CLIC5: variants seen among roughly 807,000 people sequenced by gnomAD.
The protein encoded by CLIC5 is CLIC family member 5.
CLIC5 carries 20 observed loss-of-function variants against 24.7 expected under a neutral mutation model. The ratio of observed to expected loss-of-function variants is 0.81; its 90% CI spans 0.57 to 1.18. CLIC5 has a LOEUF of 1.18. Among genes scored for constraint, CLIC5 ranks in the 50% most tolerant of loss-of-function variants. CLIC5 has a pLI of 0.00. For missense variants in CLIC5, 341 were observed against 326.1 expected, an observed-to-expected ratio of 1.05 and a Z score of -0.35; for synonymous variants, 159 against 135.6, an observed-to-expected ratio of 1.17 and a Z score of -1.20.
chr6:46,104,818 A>AC, the CLIC5 span, among the ~76,000 whole-genome samples: 2 of 152,172 alleles, frequency 1.3e-5, no homozygotes, highest in Admixed American at 1.3e-4. Flanking sequence ...CAAAAATCTG[A>AC]CCTGAAACAA....
intron 3 of CLIC5, among the ~76,000 whole-genome samples, chr6:45,944,042 A>G (rs1764214807): frequency 6.6e-6 from 1 of 152,200 alleles, no homozygotes; most frequent in South Asian, 2.1e-4. Flanking sequence ...CTAAAAGGCT[A>G]AGGAAGAGTG....
intron 2 of CLIC5, among the ~76,000 whole-genome samples, chr6:45,953,674 G>C (rs1384394218): frequency 6.6e-6 from 1 of 152,162 alleles, no homozygotes; most frequent in Non-Finnish European, 1.5e-5. Context: ...AACATCAAAG[G>C]TTTCCTGTGC....
At chr6:46,124,807 C>T in the CLIC5 span, among the ~76,000 whole-genome samples, 1,116 of 152,264 alleles carry the variant, frequency 7.3e-3, 14 homozygotes, top group African/African-American at 0.026. Flanking sequence ...ATTTACGCAG[C>T]CAACAGACAC....
the CLIC5 span, among the ~76,000 whole-genome samples, chr6:46,129,047 C>T: frequency 7.8e-4 from 119 of 152,296 alleles, no homozygotes; most frequent in African/African-American, 2.7e-3. Flanking sequence ...CTATTAAATA[C>T]TTAACACTTG....
chr6:46,114,443 T>A, the CLIC5 span, among the ~76,000 whole-genome samples: 2 of 152,218 alleles, frequency 1.3e-5, no homozygotes, highest in Non-Finnish European at 2.9e-5. Flanking sequence ...TAGGAATTTC[T>A]CTTTTGCCCT....
chr6:46,107,179 C>A, the CLIC5 span, among the ~76,000 whole-genome samples: 1 of 149,862 alleles, frequency 6.7e-6, no homozygotes. Flanking sequence ...TTTTTTTTTG[C>A]CTGGTTCTAT....
At chr6:46,009,269 G>A (rs1269872264) in intron 1 of CLIC5, among the ~76,000 whole-genome samples, 1 of 152,042 alleles carries the variant, frequency 6.6e-6, no homozygotes, top group East Asian at 1.9e-4. Flanking sequence ...ATTCGTTTCA[G>A]TTCAGACAGT....
intron 6 of CLIC5, among the ~76,000 whole-genome samples, chr6:45,892,675 C>A (rs1762363687): frequency 6.6e-6 from 1 of 152,190 alleles, no homozygotes; most frequent in Non-Finnish European, 1.5e-5. Context: ...GCCTTCAGTG[C>A]ATTAGGCATA....
the CLIC5 span, among the ~76,000 whole-genome samples, chr6:46,105,253 T>C: frequency 6.6e-6 from 1 of 152,190 alleles, no homozygotes; most frequent in African/African-American, 2.4e-5. Context: ...TTGTTTTTTT[T>C]AAAGTTAAAA....
At chr6:46,084,563 G>A (rs577318468), upstream of CLIC5, among the ~76,000 whole-genome samples, 2 of 152,164 alleles carry the variant, frequency 1.3e-5, no homozygotes. Context: ...GAAATTCTGG[G>A]TTGAAAATTC....
intron 4 of CLIC5, among the ~76,000 whole-genome samples, chr6:45,917,635 G>A (rs902863715): frequency 6.6e-6 from 1 of 152,200 alleles, no homozygotes; most frequent in African/African-American, 2.4e-5. Flanking sequence ...CAACATGCCT[G>A]TGTGCTGAAA....
the CLIC5 span, among the ~76,000 whole-genome samples, chr6:46,112,112 A>C: frequency 1.3e-5 from 2 of 152,098 alleles, no homozygotes; most frequent in Non-Finnish European, 2.9e-5. Context: ...TTCATCCTAA[A>C]ATATACTTAT....
At chr6:45,958,684 A>G (rs907234367) in intron 1 of CLIC5, among the ~76,000 whole-genome samples, 2 of 151,642 alleles carry the variant, frequency 1.3e-5, no homozygotes, top group Non-Finnish European at 2.9e-5. Context: ...TTCATCTGTT[A>G]TATGCTGGAT....
Position 46,006,000 on chromosome 6 carries a change from T to A in CLIC5, c.63+9480A>T, listed in dbSNP as rs71546648. Among the ~76,000 whole-genome samples, 82 of 106,120 alleles carry A rather than the reference T, an allele frequency of 7.7e-4. 1 individual carries two copies. The highest frequency in any genetic ancestry group is 2.7e-3 in the East Asian group (10 of 3,682). The allele number at this position is 106,120 out of a possible 152,430, so 69.6% of individuals were successfully genotyped here. On this transcript the variant is annotated intron_variant, in intron 1 of 5. Transcript: ENST00000339561. ...TGTGTGTATATATATATATATATAT[T>A]TATATATATATATATACACACATGT...
chr6:45,922,239 A>C (rs916064519), intron 4 of CLIC5, among the ~76,000 whole-genome samples: 3 of 152,200 alleles, frequency 2.0e-5, no homozygotes, highest in Admixed American at 6.5e-5. Context: ...ATGATTCTTT[A>C]TTTGAAAGAT....
At chr6:45,938,056 A>G (rs1350934135) in intron 4 of CLIC5, among the ~76,000 whole-genome samples, 1 of 152,168 alleles carries the variant, frequency 6.6e-6, no homozygotes, top group Non-Finnish European at 1.5e-5. Context: ...AAAGTAAATG[A>G]AAATACAAGA....
chr6:45,928,565 A>G (rs545492788), intron 4 of CLIC5, among the ~76,000 whole-genome samples: 9 of 152,342 alleles, frequency 5.9e-5, no homozygotes, highest in Middle Eastern at 3.4e-3. Flanking sequence ...ACACCCATGG[A>G]CACACTATTG....
Position 46,049,819 on chromosome 6 carries a change from G to T in CLIC5, c.540+29884C>A, listed in dbSNP as rs570373305. ...CGAGACATAGCAATTCCAATGTTTG[G>T]TAAGTTATAGTTAATTGTTTCCAAA... On this transcript the variant is annotated intron_variant, in intron 1 of 5. Coordinates refer to the CLIC5 transcript ENST00000185206. 4.6e-5 allele frequency among the ~76,000 whole-genome samples: 7 copies of T among 152,320 alleles called. No homozygotes were observed. In the South Asian group the frequency reaches 1.5e-3, roughly 32 times the overall value.
intron 1 of CLIC5, among the ~76,000 whole-genome samples, chr6:46,037,945 G>A (rs1018243483): frequency 6.6e-6 from 1 of 152,180 alleles, no homozygotes; most frequent in African/African-American, 2.4e-5. Flanking sequence ...GAGAAGATTA[G>A]GCAAGTGACA....
Sources: allele counts gnomAD v4.1 joint callset (sites outside exome capture counted in the v4.1 genomes callset), GRCh38; gene constraint gnomAD v4.1.1; transcripts MANE v1.5; gene names NCBI Gene and HGNC (gene_info 2026-07-23, HGNC 2026-07-21).